The following PDE12 variants were observed in gnomAD, a reference collection of about 807,000 sequenced individuals.
The protein encoded by PDE12 is phosphodiesterase 12.
A neutral mutation model predicts 45.4 loss-of-function variants in PDE12; 26 were observed. The ratio of observed to expected loss-of-function variants is 0.57; its 90% CI spans 0.42 to 0.79. PDE12 has a LOEUF of 0.79. Among genes scored for constraint, PDE12 ranks in the 30% least tolerant of loss-of-function variants. PDE12 has a pLI of 0.00. For missense variants in PDE12, 668 were observed against 790.0 expected, an observed-to-expected ratio of 0.85 and a Z score of 1.85; for synonymous variants, 283 against 323.9, an observed-to-expected ratio of 0.87 and a Z score of 1.36.
the PDE12 span, among the ~76,000 whole-genome samples, chr3:57,652,662 G>C: frequency 5.9e-5 from 9 of 152,292 alleles, no homozygotes; most frequent in African/African-American, 2.2e-4. Flanking sequence ...TAACTTATCA[G>C]TGGAGAAGCT....
At chr3:57,628,455 CT>C in the PDE12 span, 1 of 1,391,618 alleles carries the variant, frequency 7.2e-7, no homozygotes, top group Non-Finnish European at 9.5e-7. Context: ...TACTTTCAGT[CT>C]TAGACCAGAA....
At chr3:57,597,823 T>C in the PDE12 span, 1 of 152,272 alleles carries the variant, frequency 6.6e-6, no homozygotes, top group Non-Finnish European at 1.5e-5. Flanking sequence ...ACTTACACGT[T>C]TCACACACGG....
chr3:57,630,685 A>G, the PDE12 span: 5 of 1,597,166 alleles, frequency 3.1e-6, no homozygotes, highest in African/African-American at 5.4e-5. Flanking sequence ...AGCACGACAC[A>G]TGGGTGTAAA....
chr3:57,605,829 G>A, the PDE12 span, among the ~76,000 whole-genome samples: 214 of 152,036 alleles, frequency 1.4e-3, 1 homozygote, highest in African/African-American at 4.9e-3. Context: ...TGAGCATCTA[G>A]AAATAAAAAC....
chr3:57,610,253 T>C, the PDE12 span, among the ~76,000 whole-genome samples: 1,040 of 152,208 alleles, frequency 6.8e-3, 17 homozygotes, highest in African/African-American at 0.024. Context: ...TCAGAGCTAT[T>C]TATGACAAAC....
the PDE12 span, among the ~76,000 whole-genome samples, chr3:57,587,544 T>G: frequency 6.6e-6 from 1 of 152,048 alleles, no homozygotes; most frequent in Non-Finnish European, 1.5e-5. Context: ...CCAAAAATCA[T>G]GTATTACTTT....
chr3:57,593,113 G>A, the PDE12 span, among the ~76,000 whole-genome samples: 1 of 152,098 alleles, frequency 6.6e-6, no homozygotes, highest in Non-Finnish European at 1.5e-5. Context: ...TAAGGCAGGA[G>A]GGATTGCTTG....
At chr3:57,577,332 T>C in the PDE12 span, 1 of 1,613,706 alleles carries the variant, frequency 6.2e-7, no homozygotes, top group Non-Finnish European at 8.5e-7. Flanking sequence ...CTGCAGCTCA[T>C]CTGCTACTTC....
At position 57,559,441 on chromosome 3, in the gene PDE12, AGT is replaced by A. The variant is rs1491113039; in HGVS notation, c.1387+56_1387+57del. ...CTTAAACACGCTTAAAGTTGTTTAAAGTGTTTTACACAAATGCATATCTTGAA... is the reference window on the plus strand; with the variant it reads ...CTTAAACACGCTTAAAGTTGTTTAAAGTTTTACACAAATGCATATCTTGAA... On this transcript the variant is annotated intron_variant, in intron 2 of 2. Transcript: ENST00000311180. 2,579 of 1,529,964 alleles carry A rather than the reference AGT, an allele frequency of 1.7e-3. 22 individuals carry two copies. The African/African-American group carries it at 0.04, about 24-fold the overall frequency. 94.8% of individuals were successfully genotyped at this position (1,529,964 alleles called of 1,614,324 possible). A position where few individuals can be genotyped will look rare whatever the true frequency, so the allele number is the denominator to read the frequency against.
chr3:57,649,691 G>A, the PDE12 span, among the ~76,000 whole-genome samples: 4 of 150,738 alleles, frequency 2.7e-5, no homozygotes, highest in Non-Finnish European at 1.5e-5. Context: ...TGTCCCCCAT[G>A]CTAATACTTT....
At chr3:57,654,760 T>A in the PDE12 span, 2 of 985,406 alleles carry the variant, frequency 2.0e-6, no homozygotes, top group African/African-American at 3.5e-5. Context: ...CACTCAACTG[T>A]ATCTCTGCTA....
the PDE12 span, among the ~76,000 whole-genome samples, chr3:57,647,557 G>A: frequency 2.6e-5 from 4 of 152,286 alleles, no homozygotes; most frequent in South Asian, 2.1e-4. Flanking sequence ...TCAGTTCACA[G>A]AGCCCAGGAA....
the PDE12 span, among the ~76,000 whole-genome samples, chr3:57,638,998 T>C: frequency 6.6e-6 from 1 of 152,160 alleles, no homozygotes; most frequent in Admixed American, 6.5e-5. Context: ...CTCGGGAGGC[T>C]GAGGCAGAAG....
chr3:57,563,498 C>T lies in PDE12; in HGVS notation c.*3494C>T, dbSNP rs2069749306. 1 of 152,138 alleles carries T rather than the reference C, an allele frequency of 6.6e-6. No homozygotes were observed. The highest frequency in any genetic ancestry group is 1.5e-5 in the Non-Finnish European group (1 of 68,034). 9.4% of individuals were successfully genotyped at this position (152,138 alleles called of 1,614,324 possible). A position where few individuals can be genotyped will look rare whatever the true frequency, so the allele number is the denominator to read the frequency against. On this transcript the variant is annotated 3_prime_UTR_variant, in exon 3 of 3. Coordinates refer to ENST00000311180, the MANE Select transcript of PDE12 (RefSeq NM_177966.7). ...GTATTTCTCCTAATGCTATCCCTCC[C>T]CCAGCCCTGAAAATGAATTTTTTAA...
chr3:57,583,139 C>T, the PDE12 span, among the ~76,000 whole-genome samples: 1 of 152,168 alleles, frequency 6.6e-6, no homozygotes, highest in East Asian at 1.9e-4. Context: ...GATACCAGAC[C>T]AGTAGTATCA....
At chr3:57,634,787 A>G in the PDE12 span, 1 of 1,529,078 alleles carries the variant, frequency 6.5e-7, no homozygotes. Context: ...AAGCAGCATA[A>G]AGATTTTTAT....
At chr3:57,622,713 A>T in the PDE12 span, among the ~76,000 whole-genome samples, 1 of 152,204 alleles carries the variant, frequency 6.6e-6, no homozygotes, top group African/African-American at 2.4e-5. Flanking sequence ...TGGGTAAAAA[A>T]TGTGTTATAC....
At chr3:57,558,523 C>G (rs917333470) in intron 1 of PDE12, among the ~76,000 whole-genome samples, 1 of 149,268 alleles carries the variant, frequency 6.7e-6, no homozygotes, top group African/African-American at 2.5e-5. Flanking sequence ...GAGACGGAGT[C>G]TCTGTCACCT....
rs2069722884 is a variant in PDE12 at position 57,560,990 on chromosome 3, T to C, written c.*986T>C. Reference sequence around the variant, plus strand: ...AACAAGTAAGGTATTTTCATTCTTATTTTTAGGATTTTAGTTTTTAGTGTA... The same window carrying C: ...AACAAGTAAGGTATTTTCATTCTTACTTTTAGGATTTTAGTTTTTAGTGTA... On this transcript the variant is annotated 3_prime_UTR_variant, in exon 3 of 3. Coordinates refer to ENST00000311180, the MANE Select transcript of PDE12 (RefSeq NM_177966.7). The C allele has an allele frequency of 2.7e-5, 26 of 975,426 alleles. No individual in the cohort carries two copies. Among genetic ancestry groups the C allele is most frequent in the Non-Finnish European group, 3.2e-5 (26 of 820,568 alleles). 60.4% of individuals were successfully genotyped at this position (975,426 alleles called of 1,614,324 possible).
Sources: allele counts gnomAD v4.1 joint callset (sites outside exome capture counted in the v4.1 genomes callset), GRCh38; gene constraint gnomAD v4.1.1; transcripts MANE v1.5; gene names NCBI Gene and HGNC (gene_info 2026-07-23, HGNC 2026-07-21).